COLEC12: variants seen among roughly 807,000 people sequenced by gnomAD.
COLEC12 encodes collectin subfamily member 12, also known as collectin-12.
Under a neutral mutation model 71.1 loss-of-function variants are expected in COLEC12, and 33 were observed. That is an observed-to-expected ratio of 0.46 (90% CI 0.35 to 0.62). The LOEUF is 0.62. COLEC12 is among the 20% of genes least tolerant of loss of function. The pLI is 0.00. For synonymous variants in COLEC12, 350 were observed against 353.0 expected (o/e 0.99, Z 0.10); for missense variants, 765 against 916.1 (o/e 0.84, Z 2.13).
At chr18:360,251 C>T (rs1282695976) in intron 2 of COLEC12, among the ~76,000 whole-genome samples, 6 of 150,916 alleles carry the variant, frequency 4.0e-5, no homozygotes, top group Non-Finnish European at 5.9e-5. Context: ...GGCACGATCT[C>T]GGCTCACTGC....
chr18:474,800 G>A (rs1240279364), intron 2 of COLEC12, among the ~76,000 whole-genome samples: 1 of 152,188 alleles, frequency 6.6e-6, no homozygotes, highest in Non-Finnish European at 1.5e-5. Context: ...GAGGCCAGGG[G>A]TGGTGGCTAC....
At chr18:390,713 T>C (rs7237228) in intron 2 of COLEC12, among the ~76,000 whole-genome samples, 36,360 of 151,810 alleles carry the variant, frequency 0.24, 4,586 homozygotes, top group Admixed American at 0.3. Context: ...TGAGCCGAGA[T>C]TGTGTCACTG....
intron 2 of COLEC12, among the ~76,000 whole-genome samples, chr18:379,378 C>T (rs1053240548): frequency 2.6e-5 from 4 of 152,110 alleles, no homozygotes; most frequent in East Asian, 1.9e-4. Context: ...CCTCCCATCT[C>T]GGTCTCCCAA....
At chr18:479,593 C>T (rs571919353) in intron 2 of COLEC12, among the ~76,000 whole-genome samples, 103 of 152,190 alleles carry the variant, frequency 6.8e-4, no homozygotes, top group African/African-American at 2.4e-3. Flanking sequence ...CTCACACACA[C>T]TCTTTTCTCC....
intron 2 of COLEC12, among the ~76,000 whole-genome samples, chr18:420,524 G>A (rs980001289): frequency 6.6e-6 from 1 of 152,062 alleles, no homozygotes; most frequent in African/African-American, 2.4e-5. Flanking sequence ...ATTCTAAAAA[G>A]CGATAAAAAA....
chr18:406,560 G>A (rs1477444558), intron 2 of COLEC12, among the ~76,000 whole-genome samples: 2 of 150,640 alleles, frequency 1.3e-5, no homozygotes, highest in East Asian at 3.9e-4. Context: ...GCAGCTCCCG[G>A]GGCTGCCTTG....
intron 2 of COLEC12, among the ~76,000 whole-genome samples, chr18:469,140 C>A (rs1917144650): frequency 1.3e-5 from 2 of 152,244 alleles, no homozygotes; most frequent in African/African-American, 4.8e-5. Context: ...CATACAAGTT[C>A]TCTTCACTTG....
chr18:456,731 G>A (rs547481370), intron 2 of COLEC12, among the ~76,000 whole-genome samples: 1 of 152,334 alleles, frequency 6.6e-6, no homozygotes, highest in East Asian at 1.9e-4. Flanking sequence ...AGAGCAGCCC[G>A]CTGACTGAGC....
At chr18:483,170 C>T (rs1051871109) in intron 1 of COLEC12, among the ~76,000 whole-genome samples, 2 of 151,912 alleles carry the variant, frequency 1.3e-5, no homozygotes, top group African/African-American at 2.4e-5. Flanking sequence ...GAGGTTGAGG[C>T]GGGTGGATCA....
chr18:428,503 C>T (rs1916240193), intron 2 of COLEC12, among the ~76,000 whole-genome samples: 1 of 152,208 alleles, frequency 6.6e-6, no homozygotes, highest in Admixed American at 6.5e-5. Context: ...GACCACAACA[C>T]ACCCCATGGA....
chr18:413,029 T>C (rs1915922187), intron 2 of COLEC12, among the ~76,000 whole-genome samples: 1 of 152,188 alleles, frequency 6.6e-6, no homozygotes. Flanking sequence ...TAAAAACATA[T>C]GACTCAATTA....
At chr18:471,585 T>C (rs1005353410) in intron 2 of COLEC12, among the ~76,000 whole-genome samples, 4 of 151,482 alleles carry the variant, frequency 2.6e-5, no homozygotes, top group African/African-American at 9.7e-5. Flanking sequence ...ATAAATCGAA[T>C]TTTTAAAGTT....
rs34131281 is a variant in COLEC12, at chr18:408,611, GAA to G, written c.59-51091_59-51090del. ...AGTATTACCAAATATTGAGAAAAAG[GAA>G]AAAAAAAAAAGACAGGAAAATAAAA... On this transcript the variant is annotated intron_variant, in intron 2 of 9. Transcript: ENST00000400256. The surrounding 1 kb of genome is among the most constrained non-coding windows in gnomAD (Gnocchi z 4.3). Among the ~76,000 whole-genome samples the G allele has an allele frequency of 0.13, 19,038 of 144,260 alleles. 1,277 individuals carry two copies. Among genetic ancestry groups the G allele is most frequent in the Admixed American group, 0.18 (2,572 of 14,502 alleles). The allele number at this position is 144,260 out of a possible 152,430, so 94.6% of individuals were successfully genotyped here. A position where few individuals can be genotyped will look rare whatever the true frequency, so the allele number is the denominator to read the frequency against.
intron 1 of COLEC12, among the ~76,000 whole-genome samples, chr18:494,868 G>A (rs1479712506): frequency 6.6e-6 from 1 of 152,146 alleles, no homozygotes; most frequent in African/African-American, 2.4e-5. Flanking sequence ...TGATACTGAG[G>A]TATGATATCC....
chr18:441,479 C>T (rs886097233), intron 2 of COLEC12, among the ~76,000 whole-genome samples: 2 of 152,048 alleles, frequency 1.3e-5, no homozygotes, highest in Admixed American at 6.5e-5. Context: ...TGGTGCGCAA[C>T]GCAGACACAG....
chr18:443,642 T>C (rs573066760), intron 2 of COLEC12, among the ~76,000 whole-genome samples: 1 of 152,296 alleles, frequency 6.6e-6, no homozygotes, highest in East Asian at 1.9e-4. Flanking sequence ...AAATCTACCA[T>C]GTGGCTGGAG....
chr18:444,602 T>C (rs1247972448), intron 2 of COLEC12, among the ~76,000 whole-genome samples: 1 of 152,290 alleles, frequency 6.6e-6, no homozygotes, highest in Middle Eastern at 3.4e-3. Flanking sequence ...CTCAGCTTTG[T>C]TTATGGAGAA....
intron 8 of COLEC12, among the ~76,000 whole-genome samples, chr18:323,052 C>T (rs954029471): frequency 6.6e-6 from 1 of 152,166 alleles, no homozygotes; most frequent in Non-Finnish European, 1.5e-5. Context: ...TGGCGAAACC[C>T]TGTCTCTACT....
At chr18:419,404 C>T (rs1036879097) in intron 2 of COLEC12, among the ~76,000 whole-genome samples, 1 of 152,150 alleles carries the variant, frequency 6.6e-6, no homozygotes, top group Non-Finnish European at 1.5e-5. Context: ...GGGGGTTTCA[C>T]CATATTGGTC....
Sources: allele counts gnomAD v4.1 joint callset (sites outside exome capture counted in the v4.1 genomes callset), GRCh38; gene constraint gnomAD v4.1.1; non-coding constraint Gnocchi (gnomAD v3.1); transcripts MANE v1.5; gene names NCBI Gene and HGNC (gene_info 2026-07-23, HGNC 2026-07-21).